The following TSHZ2 variants were observed in gnomAD, a reference collection of about 807,000 sequenced individuals.
The protein encoded by TSHZ2 is teashirt zinc finger homeobox 2, also known as teashirt homolog 2.
A neutral mutation model predicts 74.4 loss-of-function variants in TSHZ2; 21 were observed. The observed-to-expected ratio is 0.28, with a 90% confidence interval of 0.20 to 0.41. The LOEUF (loss-of-function observed/expected upper bound fraction) is 0.41, where lower values mean the gene tolerates loss of function less well. Ranked by LOEUF, TSHZ2 falls within the 10% of genes least tolerant of loss-of-function variation. TSHZ2 has a pLI of 1.00. For missense variants in TSHZ2, 1,244 were observed against 1,293.5 expected, an observed-to-expected ratio of 0.96 and a Z score of 0.59; for synonymous variants, 540 against 515.3, an observed-to-expected ratio of 1.05 and a Z score of -0.65.
chr20:53,110,928 G>T (rs1306444658), intron 1 of TSHZ2, among the ~76,000 whole-genome samples: 1 of 152,110 alleles, frequency 6.6e-6, no homozygotes, highest in African/African-American at 2.4e-5. Context: ...AAAGAGAAAG[G>T]TTCTGTACAG....
chr20:52,989,199 T>C (rs74806307), intron 1 of TSHZ2, among the ~76,000 whole-genome samples: 2,275 of 150,714 alleles, frequency 0.015, 27 homozygotes, highest in Middle Eastern at 0.027. Flanking sequence ...TTTTTAGTTA[T>C]TATTGGTGAT....
chr20:53,055,470 G>A (rs1008488298), intron 1 of TSHZ2, among the ~76,000 whole-genome samples: 1 of 152,236 alleles, frequency 6.6e-6, no homozygotes, highest in Non-Finnish European at 1.5e-5. Flanking sequence ...AAAAAGTGGT[G>A]TGGGATTTTA....
At chr20:53,355,356 C>A (rs183357515) in intron 2 of TSHZ2, among the ~76,000 whole-genome samples, 1 of 152,050 alleles carries the variant, frequency 6.6e-6, no homozygotes, top group Non-Finnish European at 1.5e-5. Context: ...AGGAAACATC[C>A]AAATATCCTT....
chr20:52,989,200 T>C (rs1320758793), intron 1 of TSHZ2, among the ~76,000 whole-genome samples: 1 of 150,618 alleles, frequency 6.6e-6, no homozygotes, highest in East Asian at 2.0e-4. Flanking sequence ...TTTTAGTTAT[T>C]ATTGGTGATG....
At chr20:53,209,189 G>T (rs1989244191) in intron 1 of TSHZ2, among the ~76,000 whole-genome samples, 1 of 152,154 alleles carries the variant, frequency 6.6e-6, no homozygotes, top group South Asian at 2.1e-4. Context: ...CAAGGTTCAA[G>T]TGATTCTCCT....
At chr20:53,208,279 G>A (rs1376685182) in intron 1 of TSHZ2, among the ~76,000 whole-genome samples, 1 of 152,178 alleles carries the variant, frequency 6.6e-6, no homozygotes, top group Non-Finnish European at 1.5e-5. Flanking sequence ...TGGCGCTAGT[G>A]AGCAGGGATC....
chr20:53,470,110 T>A (rs1985752231), intron 2 of TSHZ2, among the ~76,000 whole-genome samples: 1 of 152,314 alleles, frequency 6.6e-6, no homozygotes, highest in Non-Finnish European at 1.5e-5. Context: ...CGACAGCAAT[T>A]AGTCTCAGTC....
At chr20:53,340,817 A>G (rs1234199347) in intron 2 of TSHZ2, among the ~76,000 whole-genome samples, 1 of 152,078 alleles carries the variant, frequency 6.6e-6, no homozygotes, top group Non-Finnish European at 1.5e-5. Flanking sequence ...GCAGTGAGTA[A>G]TGGGACAATC....
chr20:53,096,821 G>A (rs2123279217), intron 1 of TSHZ2, among the ~76,000 whole-genome samples: 1 of 151,870 alleles, frequency 6.6e-6, no homozygotes, highest in South Asian at 2.1e-4. Flanking sequence ...GGCAGAGGTA[G>A]CAGTGAGGTG....
intron 2 of TSHZ2, among the ~76,000 whole-genome samples, chr20:53,391,048 G>A (rs1982230761): frequency 6.6e-6 from 1 of 152,188 alleles, no homozygotes. Flanking sequence ...TACAAAAACA[G>A]GCAGCTGGGC....
chr20:52,990,748 G>A (rs1470563119), intron 1 of TSHZ2, among the ~76,000 whole-genome samples: 1 of 152,190 alleles, frequency 6.6e-6, no homozygotes, highest in Non-Finnish European at 1.5e-5. Context: ...ATATATTGAA[G>A]CTCACTGGTA....
intron 1 of TSHZ2, among the ~76,000 whole-genome samples, chr20:53,087,638 AGT>A (rs759185014): frequency 5.3e-5 from 8 of 152,210 alleles, no homozygotes; most frequent in Non-Finnish European, 1.2e-4. Flanking sequence ...AAGGTCTTAC[AGT>A]TCTTGGTAAA....
At chr20:53,110,903 T>C (rs6022283) in intron 1 of TSHZ2, among the ~76,000 whole-genome samples, 18,199 of 151,776 alleles carry the variant, frequency 0.12, 2,282 homozygotes, top group African/African-American at 0.32. Context: ...CTGAGTCAGA[T>C]GCCAGCAGAC....
At chr20:53,436,222 G>A (rs1458730038) in intron 2 of TSHZ2, among the ~76,000 whole-genome samples, 1 of 152,158 alleles carries the variant, frequency 6.6e-6, no homozygotes, top group Non-Finnish European at 1.5e-5. Flanking sequence ...TGGTTCCAAA[G>A]CTGGGGCTCA....
At chr20:53,037,612 C>G (rs1390862483) in intron 1 of TSHZ2, among the ~76,000 whole-genome samples, 1 of 152,168 alleles carries the variant, frequency 6.6e-6, no homozygotes, top group Non-Finnish European at 1.5e-5. Context: ...GGGTAAGTTT[C>G]TAGGGGTCAT....
At chr20:53,077,210 C>G (rs1037652613) in intron 1 of TSHZ2, among the ~76,000 whole-genome samples, 4 of 151,632 alleles carry the variant, frequency 2.6e-5, no homozygotes, top group Admixed American at 6.6e-5. Context: ...GTCAGGAGTT[C>G]GATACCAGCC....
At chr20:53,391,136 TTTTGTTTTGTTTTGTTTTGG>T (rs1189757947) in intron 2 of TSHZ2, among the ~76,000 whole-genome samples, 12 of 148,748 alleles carry the variant, frequency 8.1e-5, no homozygotes, top group Non-Finnish European at 1.0e-4. Context: ...TTTTGTTTTG[TTTTGTTTTGTTTTGTTTTGG>T]TTTGGTTTGA....
rs146327152 is a variant in TSHZ2, at chr20:53,471,468, G to A, written c.*9-15676G>A. ...TATATATGCGATGATGTGCTTATACGCTGCAATAAGTCTTATAAGGACACT... is the reference window on the plus strand; with the variant it reads ...TATATATGCGATGATGTGCTTATACACTGCAATAAGTCTTATAAGGACACT... On this transcript the variant is annotated intron_variant, in intron 2 of 2. Transcript: ENST00000371497. Among the ~76,000 whole-genome samples, 554 of 152,278 alleles carry A rather than the reference G, an allele frequency of 3.6e-3. 1 individual carries two copies. Among genetic ancestry groups the A allele is most frequent in the African/African-American group, 0.012 (489 of 41,554 alleles).
rs543460766 is a variant in TSHZ2 at position 53,437,207 on chromosome 20, T to G, written c.*9-49937T>G. Among the ~76,000 whole-genome samples, 23 of 152,290 alleles carry G rather than the reference T, an allele frequency of 1.5e-4. No individual in the cohort carries two copies. In the East Asian group the frequency reaches 4.3e-3, roughly 28 times the overall value. ...ATCCACTCAGGCCAGGCACAGTAGC[T>G]CACGCCTGTAATTCCAGCACTTTGG... On this transcript the variant is annotated intron_variant, in intron 2 of 2. Transcript: ENST00000371497.
Sources: gnomAD v4.1 joint callset for allele counts (sites outside exome capture counted in the v4.1 genomes callset) on GRCh38, gnomAD v4.1.1 for gene constraint, MANE v1.5 for transcripts, NCBI Gene and HGNC (gene_info 2026-07-23, HGNC 2026-07-21) for gene names.